The following VIRMA variants were observed in gnomAD, a reference collection of about 807,000 sequenced individuals.
VIRMA encodes the protein protein virilizer homolog.
In VIRMA, 65 loss-of-function variants were observed where a neutral mutation model predicts 182.4. The ratio of observed to expected loss-of-function variants is 0.36; its 90% CI spans 0.29 to 0.44. The LOEUF is 0.44. Ranked by LOEUF, VIRMA falls within the 20% of genes least tolerant of loss-of-function variation. The pLI, the probability that VIRMA is intolerant of heterozygous loss-of-function variation, is 1.00. For synonymous variants in VIRMA, 709 were observed against 743.1 expected, an observed-to-expected ratio of 0.95 and a Z score of 0.75; for missense variants, 1,752 against 2,158.1, an observed-to-expected ratio of 0.81 and a Z score of 3.73.
chr8:94,530,915 T>C, intron 6 of VIRMA, 48 bp downstream of exon 6: 1 of 1,572,548 alleles, frequency 6.4e-7, no homozygotes, highest in Non-Finnish European at 8.6e-7. Flanking sequence ...AAAACAAAAA[T>C]GTACTATTAA....
intron 20 of VIRMA, 51 bp downstream of exon 20, chr8:94,494,809 G>C: frequency 9.1e-7 from 1 of 1,102,586 alleles, no homozygotes; most frequent in Non-Finnish European, 1.3e-6. Context: ...AATATATAAA[G>C]AAACAGAAAA....
chr8:94,511,834 T>A, intron 12 of VIRMA, 105 bp from the exon 13 acceptor site: 1 of 717,918 alleles, frequency 1.4e-6, no homozygotes, highest in Non-Finnish European at 2.0e-6. Context: ...ATTATATTTA[T>A]AATAAATGAT....
At chr8:94,530,786 C>T (rs1375895030) in intron 6 of VIRMA, among the ~76,000 whole-genome samples, 177 bp downstream of exon 6, 1 of 152,192 alleles carries the variant, frequency 6.6e-6, no homozygotes, top group African/African-American at 2.4e-5. Flanking sequence ...GTGATGCACA[C>T]CTGTAGTCCC....
In VIRMA at chr8:94,526,225, A is replaced by G. The variant is rs771285265; in HGVS notation, c.2019T>C (p.Phe673=). 6.3e-7 allele frequency: 1 copy of G among 1,582,046 alleles called. No homozygotes were observed. Among genetic ancestry groups the G allele is most frequent in the South Asian group, 1.2e-5 (1 of 85,600 alleles). ...CCCAAAAGGCAAACATGTCTTACCT[A>G]AAGAGAACAGGGTATGGATCATCCC... ...PERDDPYPVL[F]RYLHSHHFLE... is the part of the protein sequence containing the mutation. Residue 673 remains phenylalanine (F), a splice_region_variant and synonymous_variant, in exon 8 of 24, where the codon TTT becomes TTC. Transcript: ENST00000297591.
At chr8:94,494,709 G>A (rs1813713805) in intron 20 of VIRMA, 151 bp downstream of exon 20, 2 of 474,620 alleles carry the variant, frequency 4.2e-6, no homozygotes, top group East Asian at 7.7e-5. Context: ...TGGATGCCAT[G>A]AAGTGGGCAA....
At chr8:94,496,285 A>G (rs1813772002) in intron 18 of VIRMA, 43 bp downstream of exon 18, 1 of 1,555,184 alleles carries the variant, frequency 6.4e-7, no homozygotes, top group Admixed American at 1.9e-5. Context: ...TCAAACTGAG[A>G]GGAAAATAGG....
chr8:94,524,486 G>A (rs1430633372), intron 8 of VIRMA, among the ~76,000 whole-genome samples: 1 of 151,642 alleles, frequency 6.6e-6, no homozygotes, highest in Non-Finnish European at 1.5e-5. Flanking sequence ...TGTATTTTTA[G>A]TAGAGACAGG....
chr8:94,550,282 T>G (rs1815930833), intron 1 of VIRMA, among the ~76,000 whole-genome samples: 1 of 147,296 alleles, frequency 6.8e-6, no homozygotes, highest in African/African-American at 2.5e-5. Context: ...CTCTATTTTC[T>G]CTGAACCATT....
Position 94,499,365 on chromosome 8 carries a change from C to T in VIRMA, c.4230+9G>A, listed in dbSNP as rs183848236. ...ATATATACACAAACACAAACACACA[C>T]ATACTTACAATTGTGTCAGAGTTAA... On this transcript the variant is annotated intron_variant, in intron 17 of 23. Transcript: ENST00000297591. The T allele has an allele frequency of 2.5e-5, 38 of 1,535,786 alleles. No homozygotes were observed. In the East Asian group the frequency reaches 5.7e-4, roughly 23 times the overall value.
chr8:94,495,557 T>TAAA (rs11382498), intron 19 of VIRMA, among the ~76,000 whole-genome samples, 174 bp downstream of exon 19: 2 of 125,050 alleles, frequency 1.6e-5, no homozygotes, highest in Non-Finnish European at 1.7e-5. Context: ...TTGTATAAAT[T>TAAA]AAAAAAAAAA....
intron 1 of VIRMA, among the ~76,000 whole-genome samples, chr8:94,549,816 G>T (rs1388190875): frequency 1.3e-5 from 2 of 152,200 alleles, no homozygotes; most frequent in Non-Finnish European, 1.5e-5. Context: ...ACTCAGCGTG[G>T]GCCCTGCAGT....
intron 2 of VIRMA, among the ~76,000 whole-genome samples, chr8:94,539,774 A>G (rs1306948690): frequency 1.3e-5 from 2 of 152,220 alleles, no homozygotes; most frequent in Admixed American, 6.5e-5. Context: ...GGCAAGCCTA[A>G]TAAGACATGA....
At chr8:94,504,035 G>A (rs1213251275) in intron 16 of VIRMA, among the ~76,000 whole-genome samples, 1 of 152,084 alleles carries the variant, frequency 6.6e-6, no homozygotes, top group Non-Finnish European at 1.5e-5. Flanking sequence ...TTAACTGGGT[G>A]TGGTGGTGCA....
At position 94,519,148 on chromosome 8, in the gene VIRMA, T is replaced by C; in HGVS notation, c.2350A>G (p.Ser784Gly). Residue 784 changes from serine to glycine, a missense_variant, in exon 9 of 24, where the codon AGT becomes GGT. By Grantham distance (56) the Ser-to-Gly change is moderately conservative. Transcript: ENST00000297591. Reference protein sequence around the residue: ...LFSHFQRCTASEETDHSDLLG... With the variant: ...LFSHFQRCTAGEETDHSDLLG... ...AGATCTGAATGGTCTGTTTCTTCAC[T>C]GGCTGTACAACGCTGAAAATGGCTG... 1 of 1,614,060 alleles carries C rather than the reference T, an allele frequency of 6.2e-7. No homozygotes were observed. Among genetic ancestry groups the C allele is most frequent in the Non-Finnish European group, 8.5e-7 (1 of 1,179,908 alleles).
intron 8 of VIRMA, among the ~76,000 whole-genome samples, chr8:94,519,853 C>G (rs1437857021): frequency 6.6e-6 from 1 of 152,044 alleles, no homozygotes; most frequent in Non-Finnish European, 1.5e-5. Context: ...ATAGTATATA[C>G]AGTCAGCACT....
chr8:94,537,007 T>A, intron 4 of VIRMA, 96 bp downstream of exon 4: 4 of 832,736 alleles, frequency 4.8e-6, no homozygotes. Flanking sequence ...AAAAAAGATA[T>A]GACACTCTGC....
chr8:94,528,231 C>CAAAAAAAAAAAA (rs11368037), intron 7 of VIRMA, among the ~76,000 whole-genome samples: 10 of 91,752 alleles, frequency 1.1e-4, no homozygotes, highest in South Asian at 3.6e-4. Flanking sequence ...GACTTTGTCT[C>CAAAAAAAAAAAA]AAAAAAAAAA....
At chr8:94,539,208 A>G (rs1815456584) in intron 2 of VIRMA, among the ~76,000 whole-genome samples, 2 of 152,104 alleles carry the variant, frequency 1.3e-5, no homozygotes, top group African/African-American at 4.8e-5. Flanking sequence ...TTTCGTTACC[A>G]AAAGAATCAG....
rs757658819 is a variant in VIRMA, at chr8:94,496,311, G to GT, written c.4383+16dup. Reference sequence around the variant, plus strand: ...GGAAAATAGGCCTTAAGAACGCTCTGTTTTTTTCTTTTTTACCAAAACAAG... The same window carrying GT: ...GGAAAATAGGCCTTAAGAACGCTCTGTTTTTTTTCTTTTTTACCAAAACAAG... On this transcript the variant is annotated intron_variant, in intron 18 of 23. Coordinates refer to ENST00000297591, the MANE Select transcript of VIRMA (RefSeq NM_015496.5). The GT allele has an allele frequency of 4.4e-6, 7 of 1,603,020 alleles. No individual in the cohort carries two copies. The highest frequency in any genetic ancestry group is 5.9e-6 in the Non-Finnish European group (7 of 1,176,600).
Sources: gnomAD v4.1 joint callset for allele counts (sites outside exome capture counted in the v4.1 genomes callset) on GRCh38, gnomAD v4.1.1 for gene constraint, MANE v1.5 for transcripts, NCBI Gene and HGNC (gene_info 2026-07-23, HGNC 2026-07-21) for gene names.